Variants in NALF1 observed in about 807,000 individuals in gnomAD.
NALF1 encodes the protein NALCN channel auxiliary factor 1.
In NALF1, 3 loss-of-function variants were observed where a neutral mutation model predicts 48.4. The ratio of observed to expected loss-of-function variants is 0.06; its 90% confidence interval spans 0.03 to 0.16. NALF1 has a LOEUF of 0.16. Among genes scored for constraint, NALF1 ranks in the 10% least tolerant of loss-of-function variants. The pLI, the probability that NALF1 is intolerant of heterozygous loss-of-function variation, is 1.00. For synonymous variants in NALF1, 262 were observed against 245.7 expected (o/e 1.07, Z -0.62); for missense variants, 526 against 571.5 (o/e 0.92, Z 0.81).
chr13:107,702,065 C>G (rs3858800), intron 1 of NALF1, among the ~76,000 whole-genome samples: 47,143 of 151,954 alleles, frequency 0.31, 7,626 homozygotes, highest in Middle Eastern at 0.52. Flanking sequence ...GCAAATAATG[C>G]TACACTATAT....
At chr13:107,730,994 C>G (rs1301794681) in intron 1 of NALF1, among the ~76,000 whole-genome samples, 1 of 152,124 alleles carries the variant, frequency 6.6e-6, no homozygotes, top group Non-Finnish European at 1.5e-5. Context: ...ACGGGAATGT[C>G]GATCTCTGAG....
At position 107,275,794 on chromosome 13, in the gene NALF1, A is replaced by ATT. The variant is rs200638557; in HGVS notation, c.916-65041_916-65040dup. Among the ~76,000 whole-genome samples the ATT allele has an allele frequency of 6.5e-3, 994 of 152,272 alleles. 2 individuals are homozygous for ATT. The highest frequency in any genetic ancestry group is 0.011 in the Non-Finnish European group (753 of 68,016). On this transcript the variant is annotated intron_variant, in intron 1 of 2. Coordinates refer to ENST00000375915, the MANE Select transcript of NALF1 (RefSeq NM_001080396.3). ...ATTCAAGGTTGTCAGGGTGTCCTGT[A>ATT]TTTTTGTTCACTAACCTTGACCACC...
At chr13:107,422,473 G>GTCA (rs71121528) in intron 1 of NALF1, among the ~76,000 whole-genome samples, 24,773 of 151,110 alleles carry the variant, frequency 0.16, 2,389 homozygotes, top group Non-Finnish European at 0.22. Flanking sequence ...AATCATAACA[G>GTCA]TCATCATCAT....
chr13:107,533,688 C>T (rs114329135), intron 1 of NALF1, among the ~76,000 whole-genome samples: 139 of 152,118 alleles, frequency 9.1e-4, no homozygotes, highest in African/African-American at 3.3e-3. Flanking sequence ...GGAAGTATTC[C>T]AAAGGCCATC....
At chr13:107,819,647 T>C (rs1240957809) in intron 1 of NALF1, among the ~76,000 whole-genome samples, 1 of 150,102 alleles carries the variant, frequency 6.7e-6, no homozygotes, top group Non-Finnish European at 1.5e-5. Context: ...TGCCACTACA[T>C]TCCCATAAGA....
intron 1 of NALF1, among the ~76,000 whole-genome samples, chr13:107,255,529 T>G (rs1158033867): frequency 2.0e-5 from 3 of 151,936 alleles, no homozygotes; most frequent in Non-Finnish European, 4.4e-5. Context: ...CCTTACCGGG[T>G]TTGGAAGGAG....
At chr13:107,777,318 G>C (rs1019512612) in intron 1 of NALF1, among the ~76,000 whole-genome samples, 1 of 152,080 alleles carries the variant, frequency 6.6e-6, no homozygotes, top group African/African-American at 2.4e-5. Context: ...TCTGCCTCTT[G>C]AGCTTTATCA....
intron 1 of NALF1, among the ~76,000 whole-genome samples, chr13:107,566,894 G>A (rs866343287): frequency 6.6e-6 from 1 of 152,076 alleles, no homozygotes; most frequent in Non-Finnish European, 1.5e-5. Flanking sequence ...TGCCCAACAC[G>A]GATATATTAG....
At chr13:107,373,852 G>C (rs986259088) in intron 1 of NALF1, among the ~76,000 whole-genome samples, 20 of 152,098 alleles carry the variant, frequency 1.3e-4, no homozygotes, top group South Asian at 6.2e-4. Context: ...AGAAGGTCAA[G>C]ATTACTCATC....
intron 1 of NALF1, among the ~76,000 whole-genome samples, chr13:107,827,395 T>A (rs1166729220): frequency 1.3e-5 from 2 of 152,212 alleles, no homozygotes; most frequent in African/African-American, 4.8e-5. Context: ...ATTATGTCTT[T>A]CCTTCAGGTC....
At chr13:107,375,961 A>G (rs748639534) in intron 1 of NALF1, among the ~76,000 whole-genome samples, 1 of 151,690 alleles carries the variant, frequency 6.6e-6, no homozygotes, top group African/African-American at 2.4e-5. Flanking sequence ...CACACACAGA[A>G]TGATGAATGG....
At chr13:107,645,894 G>T (rs957276522) in intron 1 of NALF1, among the ~76,000 whole-genome samples, 3 of 151,962 alleles carry the variant, frequency 2.0e-5, no homozygotes, top group Admixed American at 2.0e-4. Flanking sequence ...CCAGGTTTTT[G>T]CTCCCAAACT....
At chr13:107,553,609 G>C (rs1168845589) in intron 1 of NALF1, among the ~76,000 whole-genome samples, 1 of 152,076 alleles carries the variant, frequency 6.6e-6, no homozygotes, top group Non-Finnish European at 1.5e-5. Flanking sequence ...TGTCCTAGTT[G>C]AATTGTCATA....
At chr13:107,501,405 AT>A (rs1187321041) in intron 1 of NALF1, among the ~76,000 whole-genome samples, 2 of 151,520 alleles carry the variant, frequency 1.3e-5, no homozygotes, top group East Asian at 1.9e-4. Flanking sequence ...ACTTTGTTTA[AT>A]TTTTTTTTAT....
At chr13:107,758,167 T>A (rs1877167564) in intron 1 of NALF1, among the ~76,000 whole-genome samples, 1 of 152,154 alleles carries the variant, frequency 6.6e-6, no homozygotes, top group African/African-American at 2.4e-5. Context: ...ATTAAAAAGA[T>A]CAAAAGAACT....
chr13:107,269,256 G>T (rs959338726), intron 1 of NALF1, among the ~76,000 whole-genome samples: 7 of 152,124 alleles, frequency 4.6e-5, no homozygotes, highest in Non-Finnish European at 8.8e-5. Flanking sequence ...AGTCAGGGGG[G>T]TTCACGAGAA....
chr13:107,295,451 T>C (rs1341401454), intron 1 of NALF1, among the ~76,000 whole-genome samples: 1 of 152,204 alleles, frequency 6.6e-6, no homozygotes, highest in Non-Finnish European at 1.5e-5. Context: ...AGTGCATTTC[T>C]TTCAGTGACA....
At chr13:107,850,943 T>G (rs1382662627) in intron 1 of NALF1, among the ~76,000 whole-genome samples, 1 of 151,910 alleles carries the variant, frequency 6.6e-6, no homozygotes. Context: ...AAAATTGCTG[T>G]GAACAATTTG....
At chr13:107,259,690 A>T (rs78557485) in intron 1 of NALF1, among the ~76,000 whole-genome samples, 3,038 of 152,326 alleles carry the variant, frequency 0.02, 47 homozygotes, top group Non-Finnish European at 0.032. Flanking sequence ...AATGGTTTCC[A>T]ATGTTTTTAT....
Sources: gnomAD v4.1 joint callset for allele counts (sites outside exome capture counted in the v4.1 genomes callset) on GRCh38, gnomAD v4.1.1 for gene constraint, MANE v1.5 for transcripts, NCBI Gene and HGNC (gene_info 2026-07-23, HGNC 2026-07-21) for gene names.